Variants in PPP2R2C observed in about 807,000 individuals in gnomAD.
PPP2R2C encodes the protein protein phosphatase 2, regulatory subunit B, gamma.
Under a neutral mutation model 45.3 loss-of-function variants are expected in PPP2R2C, and 10 were observed. The observed-to-expected ratio is 0.22, with a 90% CI of 0.14 to 0.37. The LOEUF (loss-of-function observed/expected upper bound fraction) is 0.37. Ranked by LOEUF, PPP2R2C falls within the 10% of genes least tolerant of loss-of-function variation. PPP2R2C has a pLI of 1.00. For missense variants in PPP2R2C, 308 were observed against 619.7 expected, an observed-to-expected ratio of 0.50 and a Z score of 5.34; for synonymous variants, 257 against 245.4, an observed-to-expected ratio of 1.05 and a Z score of -0.44.
At chr4:6,535,765 G>C (rs1362725314) in intron 1 of PPP2R2C, among the ~76,000 whole-genome samples, 1 of 152,128 alleles carries the variant, frequency 6.6e-6, no homozygotes, top group Non-Finnish European at 1.5e-5. Flanking sequence ...CATGGAACTA[G>C]AAGCCCCGCC....
chr4:6,480,872 G>C (rs1410944743), intron 2 of PPP2R2C, among the ~76,000 whole-genome samples: 1 of 152,260 alleles, frequency 6.6e-6, no homozygotes, highest in East Asian at 1.9e-4. Flanking sequence ...GAACGGGTAT[G>C]TGATGATTGC....
In PPP2R2C at chr4:6,378,420, G is replaced by C. The variant is rs1046280912; in HGVS notation, c.321C>G (p.Leu107=). 6.2e-7 allele frequency: 1 copy of C among 1,614,100 alleles called. No individual in the cohort carries two copies. Among genetic ancestry groups the C allele is most frequent in the Non-Finnish European group, 8.5e-7 (1 of 1,180,060 alleles). The change falls in exon 3 of 9, where the codon CTC becomes CTG. Residue 107 remains leucine (L), a synonymous_variant. Coordinates refer to ENST00000382599, the MANE Select transcript of PPP2R2C (RefSeq NM_020416.4). This position sits in a 1 kb window ranked among gnomAD's most constrained non-coding sequence, Gnocchi z 5.2. ...WLPQQNAAHS[L]LSTNDKTIKL... ...GCAGCGCCTCACCGTTGGTGGACAG[G>C]AGTGAGTGGGCGGCGTTCTGCTGTG...
At chr4:6,440,793 C>G (rs1720115319) in intron 1 of PPP2R2C, among the ~76,000 whole-genome samples, 2 of 152,204 alleles carry the variant, frequency 1.3e-5, no homozygotes, top group African/African-American at 4.8e-5. Flanking sequence ...CTGCCCTCTG[C>G]TAGGCTGGGT....
chr4:6,495,842 G>A (rs2108789915), intron 2 of PPP2R2C, among the ~76,000 whole-genome samples: 1 of 152,336 alleles, frequency 6.6e-6, no homozygotes, highest in East Asian at 1.9e-4. Context: ...CACAAAGTCT[G>A]TGGCTTAAAA....
intron 1 of PPP2R2C, among the ~76,000 whole-genome samples, chr4:6,438,287 T>C (rs1719988568): frequency 6.6e-6 from 1 of 152,160 alleles, no homozygotes; most frequent in Non-Finnish European, 1.5e-5. Context: ...ACGCAGCCTT[T>C]CTCAGTGTGT....
rs1162298355 is a variant in PPP2R2C at position 6,328,658 on chromosome 4, C to T, written c.1052+604G>A. On this transcript the variant is annotated intron_variant, in intron 8 of 8. Coordinates refer to ENST00000382599, the MANE Select transcript of PPP2R2C (RefSeq NM_020416.4). The surrounding 1 kb of genome is among the most constrained non-coding windows in gnomAD (Gnocchi z 4.4). The stretch of plus-strand genomic sequence containing the variant: ...GGGCTGAGCCCAGGCTAGGGAGACA[C>T]AGGAACTCACTTCTGGCACTGGGGC... 1.3e-5 allele frequency among the ~76,000 whole-genome samples: 2 copies of T among 152,200 alleles called. No individual in the cohort carries two copies. The highest frequency in any genetic ancestry group is 2.9e-5 in the Non-Finnish European group (2 of 68,026).
At position 6,512,494 on chromosome 4, in the gene PPP2R2C, GTGGTGGTGGTGGTGATGT is replaced by G. The variant is rs1406618525; in HGVS notation, c.49+22759_49+22776del. On this transcript the variant is annotated intron_variant, in intron 2 of 9. Coordinates refer to the PPP2R2C transcript ENST00000506140. Reference sequence around the variant, plus strand: ...GGTGGTAGTGGTGGTGATGGTGATGGTGGTGGTGGTGGTGATGTTGGTGGTGGTGGTGGTGATGGTGAT... The same window carrying G: ...GGTGGTAGTGGTGGTGATGGTGATGGTGGTGGTGGTGGTGGTGATGGTGAT... Among the ~76,000 whole-genome samples the G allele has an allele frequency of 2.0e-3, 112 of 54,640 alleles. 1 individual carries two copies. The highest frequency in any genetic ancestry group is 4.0e-3 in the South Asian group (4 of 992). The allele number at this position is 54,640 out of a possible 152,430, so 35.8% of individuals were successfully genotyped here. A position where few individuals can be genotyped will look rare whatever the true frequency, so the allele number is the denominator to read the frequency against.
At chr4:6,445,736 A>AAATG (rs1394861313) in intron 1 of PPP2R2C, among the ~76,000 whole-genome samples, 28 of 152,234 alleles carry the variant, frequency 1.8e-4, no homozygotes, top group African/African-American at 6.5e-4. Flanking sequence ...ATAAATAAAT[A>AAATG]AATGGAGTTT....
chr4:6,351,154 A>AC, intron 5 of PPP2R2C: 1 of 617,840 alleles, frequency 1.6e-6, no homozygotes, highest in Non-Finnish European at 2.0e-6. Context: ...AAAATAAAAA[A>AC]TAAAAAAAAA....
chr4:6,389,851 G>T (rs901727946), intron 1 of PPP2R2C, among the ~76,000 whole-genome samples: 1 of 152,170 alleles, frequency 6.6e-6, no homozygotes, highest in Non-Finnish European at 1.5e-5. Context: ...GCTAGTAAGG[G>T]CAGGGGAGAG....
intron 1 of PPP2R2C, among the ~76,000 whole-genome samples, chr4:6,550,841 G>T (rs945626631): frequency 1.3e-5 from 2 of 152,120 alleles, no homozygotes; most frequent in Admixed American, 6.5e-5. Flanking sequence ...AGAGATAAGG[G>T]CTCACTGTTG....
chr4:6,452,172 T>C (rs73207824), intron 1 of PPP2R2C, among the ~76,000 whole-genome samples: 14,036 of 152,206 alleles, frequency 0.092, 878 homozygotes, highest in Non-Finnish European at 0.14. Flanking sequence ...AACTGCCTTC[T>C]GCTTGTCAAA....
At chr4:6,486,660 G>A (rs967301848) in intron 2 of PPP2R2C, among the ~76,000 whole-genome samples, 2 of 151,962 alleles carry the variant, frequency 1.3e-5, no homozygotes, top group Non-Finnish European at 2.9e-5. Flanking sequence ...GATTAATATA[G>A]CCACTGCAGC....
upstream of PPP2R2C, among the ~76,000 whole-genome samples, chr4:6,476,657 T>A (rs983671672): frequency 1.3e-5 from 2 of 152,216 alleles, no homozygotes; most frequent in African/African-American, 4.8e-5. Flanking sequence ...CCAAACTGAC[T>A]AAGACACCAC....
At chr4:6,383,185 G>A in intron 1 of PPP2R2C, 6 of 1,187,240 alleles carry the variant, frequency 5.1e-6, no homozygotes, top group Non-Finnish European at 6.4e-6. Context: ...GACCTGCGCA[G>A]GCTGGCCCAC....
chr4:6,479,296 C>T (rs770208665), intron 2 of PPP2R2C, among the ~76,000 whole-genome samples: 1 of 152,204 alleles, frequency 6.6e-6, no homozygotes, highest in Non-Finnish European at 1.5e-5. Context: ...GGTCCCAGGA[C>T]CAAGCTTCCA....
rs567488207 is a variant in PPP2R2C, at chr4:6,457,044, A to C, written c.70+15116T>G. Among the ~76,000 whole-genome samples, 6 of 152,186 alleles carry C rather than the reference A, an allele frequency of 3.9e-5. No homozygotes were observed. In the East Asian group the frequency reaches 1.2e-3, roughly 30 times the overall value. On this transcript the variant is annotated intron_variant, in intron 1 of 8. Transcript: ENST00000382599. ...CCAACATGGTTGAAATTCCGTCTCT[A>C]CTAAAAATACAAAAATTAGCCAGAT...
intron 1 of PPP2R2C, among the ~76,000 whole-genome samples, chr4:6,444,899 T>A (rs1202761535): frequency 6.6e-6 from 1 of 152,116 alleles, no homozygotes; most frequent in East Asian, 1.9e-4. Flanking sequence ...CAAAAACCTC[T>A]CCAGCCTGGG....
At chr4:6,346,615 C>T (rs1382438991) in intron 6 of PPP2R2C, among the ~76,000 whole-genome samples, 5 of 152,188 alleles carry the variant, frequency 3.3e-5, no homozygotes, top group Admixed American at 2.6e-4. Flanking sequence ...GATGGCTGAG[C>T]GTGACACACG....
Sources: allele counts gnomAD v4.1 joint callset (sites outside exome capture counted in the v4.1 genomes callset), GRCh38; gene constraint gnomAD v4.1.1; non-coding constraint Gnocchi (gnomAD v3.1); transcripts MANE v1.5; gene names NCBI Gene and HGNC (gene_info 2026-07-23, HGNC 2026-07-21).